Variants in ADARB2 observed in about 807,000 individuals in gnomAD.
ADARB2 encodes the protein inactive double-stranded RNA-specific editase B2.
A neutral mutation model predicts 62.2 loss-of-function variants in ADARB2; 25 were observed. The observed-to-expected ratio is 0.40, with a 90% CI of 0.29 to 0.56. ADARB2 has a LOEUF of 0.56. Ranked by LOEUF, ADARB2 falls within the 20% of genes least tolerant of loss-of-function variation. ADARB2 has a pLI of 0.43. For missense variants in ADARB2, 1,071 were observed against 1,077.4 expected (o/e 0.99, Z 0.08); for synonymous variants, 572 against 500.8 (o/e 1.14, Z -1.90).
chr10:1,280,587 C>T (rs1159242436), intron 3 of ADARB2, among the ~76,000 whole-genome samples: 3 of 151,230 alleles, frequency 2.0e-5, no homozygotes, highest in African/African-American at 7.4e-5. Flanking sequence ...AGTGACGCTC[C>T]GTGAAATTCC....
At chr10:1,282,071 C>T (rs1469768494) in intron 3 of ADARB2, among the ~76,000 whole-genome samples, 2 of 152,198 alleles carry the variant, frequency 1.3e-5, no homozygotes, top group Non-Finnish European at 2.9e-5. Flanking sequence ...GGGGTCCCCA[C>T]AGGTTGGCAC....
chr10:1,345,724 A>G (rs1385000319), intron 3 of ADARB2, among the ~76,000 whole-genome samples: 1 of 152,168 alleles, frequency 6.6e-6, no homozygotes, highest in Non-Finnish European at 1.5e-5. Flanking sequence ...CAGAATCCAC[A>G]TGGACGCATG....
At chr10:1,679,514 C>A (rs1415236941) in intron 1 of ADARB2, among the ~76,000 whole-genome samples, 1 of 152,152 alleles carries the variant, frequency 6.6e-6, no homozygotes, top group African/African-American at 2.4e-5. Flanking sequence ...TGGCTGATTT[C>A]AGTCAAGGTG....
intron 1 of ADARB2, among the ~76,000 whole-genome samples, chr10:1,491,563 G>A (rs1831622380): frequency 6.6e-6 from 1 of 152,106 alleles, no homozygotes; most frequent in Non-Finnish European, 1.5e-5. Flanking sequence ...AATTCATAAG[G>A]AGTCCCAAAA....
At chr10:1,267,489 C>T (rs894942990) in intron 4 of ADARB2, among the ~76,000 whole-genome samples, 2 of 152,182 alleles carry the variant, frequency 1.3e-5, no homozygotes, top group African/African-American at 2.4e-5. Context: ...CTGCAGAGCA[C>T]GTGCCTCGAT....
chr10:1,517,707 C>T (rs1293313437), intron 1 of ADARB2, among the ~76,000 whole-genome samples: 13 of 152,142 alleles, frequency 8.5e-5, no homozygotes, highest in Admixed American at 7.2e-4. Flanking sequence ...GTGGACCCAG[C>T]GACTGTGAGA....
intron 1 of ADARB2, among the ~76,000 whole-genome samples, chr10:1,565,379 TGTA>T (rs1379180860): frequency 6.6e-6 from 1 of 152,134 alleles, no homozygotes; most frequent in Non-Finnish European, 1.5e-5. Flanking sequence ...TGGGTATGCA[TGTA>T]ATGTTATGCC....
chr10:1,559,924 C>T (rs1206106945), intron 1 of ADARB2, among the ~76,000 whole-genome samples: 1 of 152,166 alleles, frequency 6.6e-6, no homozygotes, highest in Non-Finnish European at 1.5e-5. Flanking sequence ...GGGGGAGCAG[C>T]GGGCTTCTGA....
intron 1 of ADARB2, among the ~76,000 whole-genome samples, chr10:1,433,048 T>C (rs1331136491): frequency 1.3e-5 from 2 of 152,108 alleles, no homozygotes; most frequent in African/African-American, 4.8e-5. Context: ...TCCCATTTTC[T>C]AAAAAAATCC....
rs146071271 is a variant in ADARB2 at position 1,427,572 on chromosome 10, C to T, written c.101-48412G>A. Among the ~76,000 whole-genome samples, 505 of 152,318 alleles carry T rather than the reference C, an allele frequency of 3.3e-3. 4 individuals are homozygous for T. Among genetic ancestry groups the T allele is most frequent in the African/African-American group, 0.012 (487 of 41,562 alleles). On this transcript the variant is annotated intron_variant, in intron 1 of 9. Transcript: ENST00000381312. ...TGGCTTGATTGAAAAGTGGTGACCA[C>T]ACCAAATGCTGGTGAAGATGTAGGG...
intron 4 of ADARB2, 138 bp from the exon 5 acceptor site, chr10:1,242,437 C>T (rs1458478835): frequency 2.2e-5 from 27 of 1,202,736 alleles, no homozygotes; most frequent in Middle Eastern, 2.9e-4. Context: ...AGCTGGGAAG[C>T]GAGGCTTCTG....
intron 6 of ADARB2, among the ~76,000 whole-genome samples, chr10:1,224,985 C>T (rs1421204046): frequency 1.3e-5 from 2 of 152,088 alleles, no homozygotes; most frequent in Non-Finnish European, 2.9e-5. Flanking sequence ...AACTTTCTGT[C>T]TTGTTGATCT....
chr10:1,324,928 C>T (rs1411475515), intron 3 of ADARB2, among the ~76,000 whole-genome samples: 1 of 152,214 alleles, frequency 6.6e-6, no homozygotes. Flanking sequence ...GTCTGTGAGG[C>T]GTTGTGCTCC....
intron 1 of ADARB2, among the ~76,000 whole-genome samples, chr10:1,636,778 AT>A (rs1471322710): frequency 2.0e-5 from 3 of 148,772 alleles, no homozygotes; most frequent in Non-Finnish European, 4.5e-5. Flanking sequence ...AATATATGAA[AT>A]ATATCAATAT....
chr10:1,649,881 C>T (rs1014753444), intron 1 of ADARB2, among the ~76,000 whole-genome samples: 5 of 152,194 alleles, frequency 3.3e-5, no homozygotes, highest in African/African-American at 1.2e-4. Flanking sequence ...GTAATTACTC[C>T]TAAAATTACC....
chr10:1,651,454 C>A (rs1334155058), intron 1 of ADARB2, among the ~76,000 whole-genome samples: 6 of 152,298 alleles, frequency 3.9e-5, no homozygotes, highest in Non-Finnish European at 7.4e-5. Flanking sequence ...GGGGCAGCAC[C>A]CCCACCTGCC....
chr10:1,619,327 C>T (rs1366760868), intron 1 of ADARB2, among the ~76,000 whole-genome samples: 1 of 148,278 alleles, frequency 6.7e-6, no homozygotes, highest in African/African-American at 2.5e-5. Flanking sequence ...ACGCACCATA[C>T]AATGACTCTA....
chr10:1,305,669 C>A (rs1259286860), intron 3 of ADARB2, among the ~76,000 whole-genome samples: 9 of 151,532 alleles, frequency 5.9e-5, no homozygotes, highest in African/African-American at 1.2e-4. Context: ...TACTGGCAAA[C>A]CGAATCCAGC....
chr10:1,582,459 T>A (rs765469716), intron 1 of ADARB2, among the ~76,000 whole-genome samples: 3 of 152,212 alleles, frequency 2.0e-5, no homozygotes, highest in Non-Finnish European at 4.4e-5. Flanking sequence ...CCTGGCAGTG[T>A]CAGAAGACCA....
Sources: allele counts gnomAD v4.1 joint callset (sites outside exome capture counted in the v4.1 genomes callset), GRCh38; gene constraint gnomAD v4.1.1; transcripts MANE v1.5; gene names NCBI Gene and HGNC (gene_info 2026-07-23, HGNC 2026-07-21).